The following AUTS2 variants were observed in gnomAD, a reference collection of about 807,000 sequenced individuals.
AUTS2 encodes the protein activator of transcription and developmental regulator AUTS2, also known as autism susceptibility gene 2 protein.
A neutral mutation model predicts 112.4 loss-of-function variants in AUTS2; 17 were observed. The observed-to-expected ratio is 0.15, with a 90% confidence interval of 0.10 to 0.23. AUTS2 has a LOEUF of 0.23. AUTS2 is among the 10% of genes least tolerant of loss of function. AUTS2 has a pLI of 1.00. For synonymous variants in AUTS2, 751 were observed against 702.7 expected (o/e 1.07, Z -1.09); for missense variants, 1,510 against 1,701.6 (o/e 0.89, Z 1.98).
intron 5 of AUTS2, among the ~76,000 whole-genome samples, chr7:70,524,900 G>C (rs1422710794): frequency 1.3e-5 from 2 of 152,218 alleles, no homozygotes; most frequent in African/African-American, 4.8e-5. Flanking sequence ...AATAGAGAGA[G>C]TGGTAAAAGT....
chr7:70,157,325 C>G (rs972839853), intron 4 of AUTS2, among the ~76,000 whole-genome samples: 1 of 152,024 alleles, frequency 6.6e-6, no homozygotes, highest in Admixed American at 6.6e-5. Flanking sequence ...GTTGCCCAGG[C>G]TGGAATGCAG....
intron 4 of AUTS2, among the ~76,000 whole-genome samples, chr7:70,153,719 C>G (rs1003352220): frequency 2.0e-5 from 3 of 152,206 alleles, no homozygotes; most frequent in Non-Finnish European, 2.9e-5. Flanking sequence ...TAATACCTCT[C>G]TAGCTCAGAC....
chr7:69,818,353 A>G (rs1790849071), intron 1 of AUTS2, among the ~76,000 whole-genome samples: 2 of 152,174 alleles, frequency 1.3e-5, no homozygotes, highest in African/African-American at 4.8e-5. Flanking sequence ...GGTTGTGGCA[A>G]AAATGATAAT....
At position 70,739,838 on chromosome 7, in the gene AUTS2, G is replaced by C. The variant is rs534984880; in HGVS notation, c.743-23032G>C. Reference sequence around the variant, plus strand: ...AAAAAAAAAAAAAAGTCTTCCTTACGTTAGGCTGAAGTCTGTTCCCCATGT... The same window carrying C: ...AAAAAAAAAAAAAAGTCTTCCTTACCTTAGGCTGAAGTCTGTTCCCCATGT... On this transcript the variant is annotated intron_variant, in intron 6 of 18. Coordinates refer to ENST00000342771, the MANE Select transcript of AUTS2 (RefSeq NM_015570.4). Among the ~76,000 whole-genome samples the C allele has an allele frequency of 4.7e-5, 7 of 150,046 alleles. No homozygotes were observed. In the Middle Eastern group the frequency reaches 0.01, roughly 222 times the overall value.
rs376846083 is a variant in AUTS2, at chr7:70,722,543, C to T, written c.742+23923C>T. On this transcript the variant is annotated intron_variant, in intron 6 of 18. Transcript: ENST00000342771. ...TAGAGATTAGTTTGTTGCCAACAAC[C>T]CTGGAACTGGCGAACTGCTTAAGGC... Among the ~76,000 whole-genome samples, 55 of 152,238 alleles carry T rather than the reference C, an allele frequency of 3.6e-4. 1 individual carries two copies. The South Asian group carries it at 9.1e-3, about 25-fold the overall frequency.
chr7:69,928,047 G>A (rs1258862488), intron 2 of AUTS2, among the ~76,000 whole-genome samples: 1 of 152,162 alleles, frequency 6.6e-6, no homozygotes, highest in Non-Finnish European at 1.5e-5. Flanking sequence ...TGGGTTATGT[G>A]GACAATTGTA....
rs553408156 is a variant in AUTS2 at position 70,576,499 on chromosome 7, T to A, written c.691-122070T>A. The stretch of plus-strand genomic sequence containing the variant: ...ACCTAAACAATTAGAAGGTTGGACT[T>A]AGAGCTTTTAGAGTCTTGATTTGTC... On this transcript the variant is annotated intron_variant, in intron 5 of 18. Coordinates refer to ENST00000342771, the MANE Select transcript of AUTS2 (RefSeq NM_015570.4). Among the ~76,000 whole-genome samples the A allele has an allele frequency of 2.6e-5, 4 of 152,326 alleles. 1 individual carries two copies. In the South Asian group the frequency reaches 8.3e-4, roughly 32 times the overall value.
At chr7:70,687,519 T>G (rs969771064) in intron 5 of AUTS2, among the ~76,000 whole-genome samples, 22 of 152,222 alleles carry the variant, frequency 1.4e-4, no homozygotes, top group Non-Finnish European at 2.6e-4. Context: ...CATTGTGAAG[T>G]TTGAAAGTAA....
chr7:70,321,072 C>T (rs1458796606), intron 4 of AUTS2, among the ~76,000 whole-genome samples: 1 of 152,200 alleles, frequency 6.6e-6, no homozygotes, highest in Non-Finnish European at 1.5e-5. Context: ...TTACCAAGCA[C>T]CAGTCTAAGT....
At chr7:70,649,118 A>G (rs1806338966) in intron 5 of AUTS2, among the ~76,000 whole-genome samples, 1 of 152,232 alleles carries the variant, frequency 6.6e-6, no homozygotes, top group Non-Finnish European at 1.5e-5. Context: ...TAGGCTGGAT[A>G]TGGTGGCTCA....
chr7:69,729,140 C>G (rs1786661272), intron 1 of AUTS2, among the ~76,000 whole-genome samples: 1 of 151,890 alleles, frequency 6.6e-6, no homozygotes, highest in Non-Finnish European at 1.5e-5. Context: ...GCATTTTAGA[C>G]AAGAAAGAGC....
chr7:69,606,527 C>T (rs951617146), intron 1 of AUTS2, among the ~76,000 whole-genome samples: 4 of 152,182 alleles, frequency 2.6e-5, no homozygotes, highest in Admixed American at 2.6e-4. Context: ...TCATAATATA[C>T]TAAATGCAGC....
chr7:70,186,318 G>A (rs1056575813), intron 4 of AUTS2, among the ~76,000 whole-genome samples: 5 of 152,086 alleles, frequency 3.3e-5, no homozygotes, highest in African/African-American at 9.7e-5. Flanking sequence ...GGCTGATGAT[G>A]TTTATGGGTA....
chr7:70,509,668 T>C (rs1399189830), intron 5 of AUTS2, among the ~76,000 whole-genome samples: 1 of 152,170 alleles, frequency 6.6e-6, no homozygotes, highest in Non-Finnish European at 1.5e-5. Flanking sequence ...ATAGTAACTC[T>C]TCCATCTTCT....
intron 4 of AUTS2, among the ~76,000 whole-genome samples, chr7:70,383,036 A>C (rs1021637815): frequency 6.6e-6 from 1 of 152,108 alleles, no homozygotes; most frequent in Admixed American, 6.5e-5. Flanking sequence ...ACCTTTTTTC[A>C]TGTTGATATA....
At chr7:70,347,078 A>G (rs1194627879) in intron 4 of AUTS2, among the ~76,000 whole-genome samples, 3 of 152,154 alleles carry the variant, frequency 2.0e-5, no homozygotes, top group African/African-American at 7.2e-5. Flanking sequence ...AGCCACACAG[A>G]GTACTGGTAA....
intron 5 of AUTS2, among the ~76,000 whole-genome samples, chr7:70,484,565 T>C (rs1246331656): frequency 6.6e-6 from 1 of 152,178 alleles, no homozygotes; most frequent in Non-Finnish European, 1.5e-5. Flanking sequence ...CTAGGGATAA[T>C]TATGCCCTCC....
At chr7:70,111,337 C>A (rs1473165424) in intron 2 of AUTS2, among the ~76,000 whole-genome samples, 1 of 152,178 alleles carries the variant, frequency 6.6e-6, no homozygotes, top group Non-Finnish European at 1.5e-5. Context: ...GAACTATTAA[C>A]AGGATGCTGA....
chr7:70,351,020 T>C (rs1791728502), intron 4 of AUTS2, among the ~76,000 whole-genome samples: 2 of 151,840 alleles, frequency 1.3e-5, no homozygotes, highest in African/African-American at 4.8e-5. Context: ...GTGTTCTCCA[T>C]GTTGTTGCAA....
Sources: allele counts gnomAD v4.1 joint callset (sites outside exome capture counted in the v4.1 genomes callset), GRCh38; gene constraint gnomAD v4.1.1; transcripts MANE v1.5; gene names NCBI Gene and HGNC (gene_info 2026-07-23, HGNC 2026-07-21).